Variants in POLK observed in about 807,000 individuals in gnomAD.
POLK encodes polymerase (DNA directed) kappa.
A neutral mutation model predicts 94.0 loss-of-function variants in POLK; 76 were observed. The observed-to-expected ratio is 0.81, with a 90% CI of 0.67 to 0.98. The LOEUF is 0.98. POLK is among the 50% of genes least tolerant of loss of function. The pLI is 0.00. For synonymous variants in POLK, 349 were observed against 325.4 expected, an observed-to-expected ratio of 1.07 and a Z score of -0.78; for missense variants, 954 against 1,010.1, an observed-to-expected ratio of 0.94 and a Z score of 0.75.
At chr5:75,545,803 A>G (rs766889196) in intron 1 of POLK, among the ~76,000 whole-genome samples, 1 of 152,156 alleles carries the variant, frequency 6.6e-6, no homozygotes, top group Non-Finnish European at 1.5e-5. Flanking sequence ...TAGAAACGTA[A>G]GTTTTCTACT....
chr5:75,589,948 A>G (rs1772693405), intron 10 of POLK, among the ~76,000 whole-genome samples: 1 of 152,122 alleles, frequency 6.6e-6, no homozygotes, highest in African/African-American at 2.4e-5. Context: ...TCATCCATAA[A>G]ATCCATGTGC....
the POLK span, among the ~76,000 whole-genome samples, chr5:75,608,321 G>A: frequency 1.3e-5 from 2 of 151,876 alleles, no homozygotes; most frequent in Non-Finnish European, 2.9e-5. Flanking sequence ...AGCTTCCCAA[G>A]TAGCTAAGAC....
chr5:75,511,092 T>C (rs552352191), upstream of POLK: 13 of 1,528,198 alleles, frequency 8.5e-6, no homozygotes, highest in Non-Finnish European at 1.1e-5. Context: ...AGGGGTCCCT[T>C]GGCACCAGGG....
At chr5:75,555,883 A>G (rs1161949428) in intron 3 of POLK, among the ~76,000 whole-genome samples, 1 of 152,186 alleles carries the variant, frequency 6.6e-6, no homozygotes, top group Non-Finnish European at 1.5e-5. Context: ...TAATTGAGCT[A>G]TCAAGCTATT....
chr5:75,607,676 T>A, the POLK span, among the ~76,000 whole-genome samples: 1 of 152,126 alleles, frequency 6.6e-6, no homozygotes, highest in African/African-American at 2.4e-5. Context: ...TCTTGGGGCT[T>A]TGTAAAACAG....
intron 1 of POLK, among the ~76,000 whole-genome samples, chr5:75,544,324 C>G (rs745752172): frequency 1.1e-4 from 17 of 152,076 alleles, no homozygotes; most frequent in Non-Finnish European, 1.9e-4. Flanking sequence ...GAATTCAAGT[C>G]CAGCCTGGGC....
chr5:75,538,577 A>G (rs1006416382), intron 1 of POLK: 2 of 151,882 alleles, frequency 1.3e-5, no homozygotes, highest in Non-Finnish European at 2.9e-5. Flanking sequence ...CATCTCATCA[A>G]TTTTTTTTGG....
At chr5:75,533,970 C>A (rs1185541203) in intron 1 of POLK, among the ~76,000 whole-genome samples, 1 of 152,042 alleles carries the variant, frequency 6.6e-6, no homozygotes, top group Non-Finnish European at 1.5e-5. Flanking sequence ...TTTATCACAT[C>A]AAGGAGCTTT....
intron 5 of POLK, among the ~76,000 whole-genome samples, chr5:75,574,719 GGTTT>G (rs1157344462): frequency 2.0e-5 from 3 of 152,112 alleles, no homozygotes; most frequent in Non-Finnish European, 4.4e-5. Flanking sequence ...TTTAAACACA[GGTTT>G]GTTTGTTTTT....
chr5:75,511,291 C>T (rs5744539), upstream of POLK: 2,549 of 1,566,594 alleles, frequency 1.6e-3, 57 homozygotes, highest in Admixed American at 0.04. Flanking sequence ...GGTGAAGGGT[C>T]GGGGGATGGC....
intron 2 of POLK, among the ~76,000 whole-genome samples, chr5:75,548,256 T>C (rs540629565): frequency 6.6e-6 from 1 of 152,214 alleles, no homozygotes; most frequent in East Asian, 1.9e-4. Flanking sequence ...TTGTATTTCA[T>C]TTTTTATGAA....
intron 12 of POLK, 66 bp from the exon 13 acceptor site, chr5:75,596,156 T>A: frequency 1.2e-6 from 1 of 867,742 alleles, no homozygotes; most frequent in Non-Finnish European, 1.9e-6. Flanking sequence ...AGACAAAATG[T>A]TTTTATGCAT....
At chr5:75,595,113 A>G (rs1772995847) in intron 12 of POLK, among the ~76,000 whole-genome samples, 1 of 151,970 alleles carries the variant, frequency 6.6e-6, no homozygotes, top group African/African-American at 2.4e-5. Context: ...TTAGCTGGAC[A>G]TGGTGGCGGG....
At chr5:75,546,125 C>A (rs963021217) in intron 1 of POLK, among the ~76,000 whole-genome samples, 1 of 152,076 alleles carries the variant, frequency 6.6e-6, no homozygotes, top group South Asian at 2.1e-4. Context: ...TCCTGAAGAA[C>A]GTAACTACTA....
intron 7 of POLK, chr5:75,582,643 A>C (rs1194836950): frequency 6.6e-6 from 1 of 152,236 alleles, no homozygotes. Flanking sequence ...AGATAGATAT[A>C]GAACCACTAT....
the POLK span, chr5:75,608,794 C>G: frequency 6.6e-6 from 1 of 152,160 alleles, no homozygotes. Context: ...AAGCTGATGG[C>G]TCTCCACCAG....
intron 7 of POLK, 44 bp downstream of exon 7, chr5:75,581,492 G>A (rs762279342): frequency 1.9e-6 from 3 of 1,539,698 alleles, no homozygotes; most frequent in East Asian, 2.3e-5. Flanking sequence ...ATAATTTTCA[G>A]ACTGGCTAAT....
chr5:75,524,151 A>C (rs1468204393), intron 1 of POLK, among the ~76,000 whole-genome samples: 1 of 152,114 alleles, frequency 6.6e-6, no homozygotes, highest in Non-Finnish European at 1.5e-5. Context: ...CAACAAAAAA[A>C]AACTTTCAGA....
rs1007641565 is a variant in POLK at position 75,581,563 on chromosome 5, T to C, written c.934+115T>C. The C allele has an allele frequency of 3.4e-6, 3 of 885,622 alleles. No individual in the cohort carries two copies. The African/African-American group carries it at 5.1e-5, about 15-fold the overall frequency. 54.9% of individuals were successfully genotyped at this position (885,622 alleles called of 1,614,324 possible). On this transcript the variant is annotated intron_variant, in intron 7 of 14. Coordinates refer to ENST00000241436, the Ensembl canonical transcript of POLK. ...ATATAGTAACATTTTACTTACTTAGTCTTTCATTCAACTTCTAACAACTTT... is the reference window on the plus strand; with the variant it reads ...ATATAGTAACATTTTACTTACTTAGCCTTTCATTCAACTTCTAACAACTTT...
Sources: allele counts gnomAD v4.1 joint callset (sites outside exome capture counted in the v4.1 genomes callset), GRCh38; gene constraint gnomAD v4.1.1; transcripts MANE v1.5; gene names NCBI Gene and HGNC (gene_info 2026-07-23, HGNC 2026-07-21).